The following RIPOR2 variants were observed in gnomAD, a reference collection of about 807,000 sequenced individuals.
The protein encoded by RIPOR2 is RHO family interacting cell polarization regulator 2, also known as rho family-interacting cell polarization regulator 2.
A neutral mutation model predicts 114.5 loss-of-function variants in RIPOR2; 39 were observed. The observed-to-expected ratio is 0.34, with a 90% CI of 0.26 to 0.44. RIPOR2 has a LOEUF of 0.44. Among genes scored for constraint, RIPOR2 ranks in the 20% least tolerant of loss-of-function variants. The pLI, the probability that RIPOR2 is intolerant of heterozygous loss-of-function variation, is 1.00. For synonymous variants in RIPOR2, 445 were observed against 484.4 expected, an observed-to-expected ratio of 0.92 and a Z score of 1.07; for missense variants, 1,007 against 1,255.1, an observed-to-expected ratio of 0.80 and a Z score of 2.99.
chr6:24,889,862 C>A (rs914662588), intron 1 of RIPOR2, among the ~76,000 whole-genome samples: 1 of 152,002 alleles, frequency 6.6e-6, no homozygotes. Context: ...CAAAAAGATA[C>A]CTGCACCTGT....
intron 8 of RIPOR2, among the ~76,000 whole-genome samples, chr6:24,859,687 T>C (rs1763858129): frequency 1.3e-5 from 2 of 152,196 alleles, no homozygotes; most frequent in Admixed American, 6.5e-5. Flanking sequence ...GTCATTTATA[T>C]TCCAGGTATT....
chr6:24,895,292 G>A (rs1767750637), intron 1 of RIPOR2, among the ~76,000 whole-genome samples: 1 of 151,998 alleles, frequency 6.6e-6, no homozygotes, highest in South Asian at 2.1e-4. Context: ...CTCATGATCC[G>A]CCCGCCTTGG....
chr6:24,852,751 A>T (rs1052577724), intron 8 of RIPOR2, 133 bp from the exon 9 acceptor site: 4 of 584,974 alleles, frequency 6.8e-6, no homozygotes, highest in Non-Finnish European at 1.2e-5. Context: ...TTTTGGGGCC[A>T]TTCCTGGGGA....
At chr6:24,952,195 A>AT (rs1173603722) in intron 1 of RIPOR2, among the ~76,000 whole-genome samples, 1 of 152,184 alleles carries the variant, frequency 6.6e-6, no homozygotes, top group Non-Finnish European at 1.5e-5. Context: ...GTAGGCTGCA[A>AT]GGTAAAGCGC....
At chr6:24,829,677 C>T (rs1760497219) in intron 17 of RIPOR2, among the ~76,000 whole-genome samples, 1 of 152,162 alleles carries the variant, frequency 6.6e-6, no homozygotes, top group African/African-American at 2.4e-5. Flanking sequence ...GAGTATATTA[C>T]AATTTATCCA....
chr6:24,966,490 C>T (rs748875068), intron 1 of RIPOR2, among the ~76,000 whole-genome samples: 2 of 152,142 alleles, frequency 1.3e-5, no homozygotes, highest in Admixed American at 1.3e-4. Context: ...TGGGATGCCA[C>T]GTGTTGGGTC....
Position 24,998,878 on chromosome 6 carries a change from T to A in RIPOR2, c.76+42973A>T, listed in dbSNP as rs1210622479. On this transcript the variant is annotated intron_variant, in intron 1 of 13. Transcript: ENST00000510784. ...CAATGTGGAACTTTATATGCAGTCATTTTTTTTTTTTTATTGTAGAGCTTG... is the reference window on the plus strand; with the variant it reads ...CAATGTGGAACTTTATATGCAGTCAATTTTTTTTTTTTATTGTAGAGCTTG... 8.4e-3 allele frequency among the ~76,000 whole-genome samples: 15 copies of A among 1,794 alleles called. No homozygotes were observed. The Non-Finnish European group carries it at 0.23, about 28-fold the overall frequency. 1.2% of individuals were successfully genotyped at this position (1,794 alleles called of 152,430 possible).
At chr6:24,994,592 G>A (rs1193056818) in intron 1 of RIPOR2, among the ~76,000 whole-genome samples, 1 of 152,168 alleles carries the variant, frequency 6.6e-6, no homozygotes, top group Non-Finnish European at 1.5e-5. Flanking sequence ...CAAAGAAGAA[G>A]GGACTTGAAG....
intron 1 of RIPOR2, among the ~76,000 whole-genome samples, chr6:25,021,416 A>G (rs191909665): frequency 6.6e-6 from 1 of 152,346 alleles, no homozygotes; most frequent in Non-Finnish European, 1.5e-5. Context: ...TGAGTGGATA[A>G]AGAAATTGTG....
At chr6:25,024,873 T>C (rs1471264650) in intron 1 of RIPOR2, among the ~76,000 whole-genome samples, 1 of 152,254 alleles carries the variant, frequency 6.6e-6, no homozygotes, top group Non-Finnish European at 1.5e-5. Context: ...ATTAATATCC[T>C]TCTCACCATG....
intron 1 of RIPOR2, among the ~76,000 whole-genome samples, chr6:25,033,362 C>G (rs1264131103): frequency 6.6e-6 from 1 of 152,150 alleles, no homozygotes; most frequent in Admixed American, 6.5e-5. Flanking sequence ...AGGCAGCTCC[C>G]CAGTCCTTTT....
At chr6:24,817,964 T>TTC (rs1304370334) in intron 20 of RIPOR2, among the ~76,000 whole-genome samples, 1 of 73,218 alleles carries the variant, frequency 1.4e-5, no homozygotes, top group Non-Finnish European at 3.1e-5. Context: ...TACTTTCCTT[T>TTC]TCTCTCTCTC....
chr6:24,890,377 C>T (rs939495266), intron 1 of RIPOR2, among the ~76,000 whole-genome samples: 1 of 152,146 alleles, frequency 6.6e-6, no homozygotes, highest in Non-Finnish European at 1.5e-5. Context: ...AGGCCATTAT[C>T]TTAAGTGAAA....
chr6:24,970,594 A>G (rs1773740395), intron 1 of RIPOR2, among the ~76,000 whole-genome samples: 1 of 152,162 alleles, frequency 6.6e-6, no homozygotes, highest in Non-Finnish European at 1.5e-5. Flanking sequence ...ACCCTGGGTC[A>G]ATCAGTTTAT....
chr6:25,001,868 T>C (rs1401674287), intron 1 of RIPOR2, among the ~76,000 whole-genome samples: 4 of 151,302 alleles, frequency 2.6e-5, no homozygotes. Flanking sequence ...CCTGGCTATT[T>C]TTTTCTTTTT....
intron 2 of RIPOR2, 28 bp downstream of exon 2, chr6:24,875,663 T>C (rs73729061): frequency 2.5e-6 from 4 of 1,601,326 alleles, no homozygotes; most frequent in African/African-American, 1.3e-5. Context: ...GCAAGCTGCA[T>C]CCCGGGAGAG....
rs945670191 is a variant in RIPOR2 at position 25,013,483 on chromosome 6, AG to A, written c.76+28367del. On this transcript the variant is annotated intron_variant, in intron 1 of 13. Coordinates refer to the RIPOR2 transcript ENST00000510784. ...AAGGGGGAGCACCTGCTTTGCCTGA[AG>A]GGGCGGCCCCTTGAGCATCAGGGGA... 1.3e-4 allele frequency among the ~76,000 whole-genome samples: 20 copies of A among 152,312 alleles called. No individual in the cohort carries two copies. In the South Asian group the frequency reaches 2.3e-3, roughly 17 times the overall value.
At position 24,964,010 on chromosome 6, in the gene RIPOR2, G is replaced by A. The variant is rs75882211; in HGVS notation, c.76+77841C>T. On this transcript the variant is annotated intron_variant, in intron 1 of 13. Transcript: ENST00000510784. Reference sequence around the variant, plus strand: ...GCGATCCTCCCCTCCTCCTGCCTCCGCCTTCCATGTAGCTAGGACTATAGG... The same window carrying A: ...GCGATCCTCCCCTCCTCCTGCCTCCACCTTCCATGTAGCTAGGACTATAGG... Among the ~76,000 whole-genome samples, 1,421 of 152,000 alleles carry A rather than the reference G, an allele frequency of 9.3e-3. 23 individuals carry two copies. The highest frequency in any genetic ancestry group is 0.031 in the African/African-American group (1,277 of 41,456).
chr6:24,923,571 G>A (rs1475572982), intron 1 of RIPOR2, among the ~76,000 whole-genome samples: 3 of 152,082 alleles, frequency 2.0e-5, no homozygotes, highest in South Asian at 2.1e-4. Context: ...GAGGCTGGGC[G>A]CGGCGGCTCA....
Sources: gnomAD v4.1 joint callset for allele counts (sites outside exome capture counted in the v4.1 genomes callset) on GRCh38, gnomAD v4.1.1 for gene constraint, MANE v1.5 for transcripts, NCBI Gene and HGNC (gene_info 2026-07-23, HGNC 2026-07-21) for gene names.